Variants in PRKCH observed in about 807,000 individuals in gnomAD.
PRKCH encodes the protein protein kinase C eta type.
A neutral mutation model predicts 82.5 loss-of-function variants in PRKCH; 28 were observed. The observed-to-expected ratio is 0.34, with a 90% CI of 0.25 to 0.47. The LOEUF is 0.47. PRKCH is among the 20% of genes least tolerant of loss of function. PRKCH has a pLI of 1.00. For synonymous variants in PRKCH, 322 were observed against 327.4 expected, an observed-to-expected ratio of 0.98 and a Z score of 0.18; for missense variants, 705 against 881.8, an observed-to-expected ratio of 0.80 and a Z score of 2.54.
At chr14:61,304,276 T>TGA (rs1262768486) in intron 1 of PRKCH, 1 of 152,134 alleles carries the variant, frequency 6.6e-6, no homozygotes, top group Non-Finnish European at 1.5e-5. Context: ...CTACATGAAT[T>TGA]GAGAGTCCTA....
rs186122797 is a variant in PRKCH at position 61,386,490 on chromosome 14, G to A, written c.364-4735G>A. ...TCCAGGAGAGACTTCGAGAGTGGAC[G>A]TGTTGGGATCTGAGAGCGATTCAAT... On this transcript the variant is annotated intron_variant, in intron 1 of 13. Coordinates refer to ENST00000332981, the MANE Select transcript of PRKCH (RefSeq NM_006255.5). Among the ~76,000 whole-genome samples, 133 of 152,254 alleles carry A rather than the reference G, an allele frequency of 8.7e-4. 1 individual carries two copies. The highest frequency in any genetic ancestry group is 3.1e-3 in the African/African-American group (129 of 41,546).
At chr14:61,528,804 C>T in intron 10 of PRKCH, 1 of 247,708 alleles carries the variant, frequency 4.0e-6, no homozygotes, top group Admixed American at 5.3e-5. Flanking sequence ...TCCGTTTTTA[C>T]AGGACAGCCT....
intron 1 of PRKCH, among the ~76,000 whole-genome samples, chr14:61,347,451 G>A (rs1238195411): frequency 6.6e-6 from 1 of 152,252 alleles, no homozygotes; most frequent in East Asian, 1.9e-4. Context: ...CCCAGGTGTG[G>A]TCAGTTGGAG....
intron 1 of PRKCH, among the ~76,000 whole-genome samples, chr14:61,226,817 G>A (rs2044700109): frequency 6.6e-6 from 1 of 152,142 alleles, no homozygotes; most frequent in Non-Finnish European, 1.5e-5. Flanking sequence ...ACTGGCTGAT[G>A]ATAGAATAGG....
At chr14:61,209,863 G>A (rs770212541) in intron 1 of PRKCH, among the ~76,000 whole-genome samples, 1 of 151,598 alleles carries the variant, frequency 6.6e-6, no homozygotes, top group Non-Finnish European at 1.5e-5. Flanking sequence ...TTATGTCCAT[G>A]TGCACCCATT....
chr14:61,472,518 A>G (rs937114469), intron 9 of PRKCH, among the ~76,000 whole-genome samples: 3 of 152,204 alleles, frequency 2.0e-5, no homozygotes, highest in South Asian at 4.1e-4. Flanking sequence ...GCTTTGAGGG[A>G]GAGCCACTTG....
chr14:61,211,469 T>C (rs145325853), intron 1 of PRKCH, among the ~76,000 whole-genome samples: 1 of 152,286 alleles, frequency 6.6e-6, no homozygotes, highest in East Asian at 1.9e-4. Context: ...TGTATAGCTT[T>C]TACTGGATTG....
chr14:61,406,514 A>T (rs1881960432), intron 2 of PRKCH, among the ~76,000 whole-genome samples: 1 of 152,230 alleles, frequency 6.6e-6, no homozygotes, highest in Non-Finnish European at 1.5e-5. Context: ...GGTAACTGAG[A>T]CCAGGAAAAG....
intron 10 of PRKCH, among the ~76,000 whole-genome samples, chr14:61,498,425 C>G (rs571363696): frequency 1.3e-5 from 2 of 152,188 alleles, no homozygotes; most frequent in African/African-American, 4.8e-5. Context: ...CAGCCTCACG[C>G]CGTGACCACT....
intron 9 of PRKCH, among the ~76,000 whole-genome samples, chr14:61,484,962 G>A (rs1231372737): frequency 6.6e-6 from 1 of 151,600 alleles, no homozygotes; most frequent in Non-Finnish European, 1.5e-5. Flanking sequence ...GGGCTCAAGG[G>A]ATCCACCCAC....
intron 2 of PRKCH, among the ~76,000 whole-genome samples, chr14:61,412,884 G>A (rs1882342820): frequency 6.6e-6 from 1 of 151,894 alleles, no homozygotes; most frequent in African/African-American, 2.4e-5. Flanking sequence ...TCTGCTGGCT[G>A]CCAGGGAACC....
At chr14:61,323,748 G>A (rs1303847623) in intron 1 of PRKCH, among the ~76,000 whole-genome samples, 1 of 152,156 alleles carries the variant, frequency 6.6e-6, no homozygotes, top group East Asian at 1.9e-4. Flanking sequence ...AATTTACTTT[G>A]TGGTACTTAG....
At chr14:61,269,536 C>A (rs1256483327) in intron 1 of PRKCH, among the ~76,000 whole-genome samples, 1 of 152,144 alleles carries the variant, frequency 6.6e-6, no homozygotes, top group African/African-American at 2.4e-5. Flanking sequence ...CTCTCATGGG[C>A]CCCAGGGTGC....
intron 2 of PRKCH, among the ~76,000 whole-genome samples, chr14:61,406,537 G>T (rs1388780936): frequency 6.6e-6 from 1 of 152,156 alleles, no homozygotes; most frequent in Non-Finnish European, 1.5e-5. Context: ...AATTGAAAGT[G>T]GTTCCAGTTA....
intron 1 of PRKCH, among the ~76,000 whole-genome samples, chr14:61,208,091 T>C (rs1594852407): frequency 1.3e-5 from 2 of 152,244 alleles, no homozygotes; most frequent in East Asian, 3.9e-4. Context: ...TTTTGAAATG[T>C]CCCTTCTTTG....
intron 2 of PRKCH, among the ~76,000 whole-genome samples, chr14:61,392,280 G>C (rs1005967402): frequency 1.3e-5 from 2 of 151,972 alleles, no homozygotes; most frequent in Non-Finnish European, 2.9e-5. Flanking sequence ...AATTATATAG[G>C]AGTGGAATTG....
At chr14:61,316,105 T>G (rs1419661395) in intron 1 of PRKCH, among the ~76,000 whole-genome samples, 1 of 152,184 alleles carries the variant, frequency 6.6e-6, no homozygotes, top group Non-Finnish European at 1.5e-5. Context: ...TTACATAATA[T>G]TCCATTAAGT....
chr14:61,264,505 G>A (rs900036708), intron 1 of PRKCH, among the ~76,000 whole-genome samples: 4 of 152,196 alleles, frequency 2.6e-5, no homozygotes, highest in African/African-American at 9.7e-5. Flanking sequence ...TTGTTGAATT[G>A]TGCCTAGGGC....
intron 1 of PRKCH, among the ~76,000 whole-genome samples, chr14:61,244,375 C>T (rs548828487): frequency 6.6e-6 from 1 of 152,208 alleles, no homozygotes; most frequent in South Asian, 2.1e-4. Flanking sequence ...CAACCTGAAA[C>T]GGTATATGAG....
Sources: allele counts gnomAD v4.1 joint callset (sites outside exome capture counted in the v4.1 genomes callset), GRCh38; gene constraint gnomAD v4.1.1; transcripts MANE v1.5; gene names NCBI Gene and HGNC (gene_info 2026-07-23, HGNC 2026-07-21).